Variants in GABBR2 observed in about 807,000 individuals in gnomAD.
GABBR2 encodes the protein G-protein coupled receptor 51.
GABBR2 carries 23 observed loss-of-function variants against 105.6 expected under a neutral mutation model. The ratio of observed to expected loss-of-function variants is 0.22; its 90% confidence interval spans 0.16 to 0.31. The LOEUF is 0.31. Ranked by LOEUF, GABBR2 falls within the 10% of genes least tolerant of loss-of-function variation. GABBR2 has a pLI of 1.00. For missense variants in GABBR2, 734 were observed against 1,245.5 expected, an observed-to-expected ratio of 0.59 and a Z score of 6.18; for synonymous variants, 478 against 499.7, an observed-to-expected ratio of 0.96 and a Z score of 0.58.
rs188166769 is a variant in GABBR2, at chr9:98,404,401, C to T, written c.1297+1680G>A. ...ACAAGATTGCATTACAGAGCGATAG[C>T]GCTGAAGAACACCTCTCCTGATTGA... On this transcript the variant is annotated intron_variant, in intron 8 of 18. Coordinates refer to ENST00000259455, the MANE Select transcript of GABBR2 (RefSeq NM_005458.8). Among the ~76,000 whole-genome samples, 83 of 152,258 alleles carry T rather than the reference C, an allele frequency of 5.5e-4. No individual in the cohort carries two copies. In the East Asian group the frequency reaches 0.013, roughly 23 times the overall value.
At chr9:98,332,381 T>C (rs1480027693) in intron 13 of GABBR2, among the ~76,000 whole-genome samples, 2 of 152,184 alleles carry the variant, frequency 1.3e-5, no homozygotes, top group Admixed American at 1.3e-4. Context: ...TCAGACTGAT[T>C]GACCTCCTTC....
intron 1 of GABBR2, among the ~76,000 whole-genome samples, chr9:98,659,508 TTTC>T (rs1830227393): frequency 8.3e-6 from 1 of 120,552 alleles, no homozygotes; most frequent in Non-Finnish European, 1.6e-5. Flanking sequence ...AACAACCTTT[TTTC>T]TTTTCTTTTC....
intron 16 of GABBR2, among the ~76,000 whole-genome samples, chr9:98,302,522 C>T (rs140139868): frequency 0.013 from 1,982 of 152,254 alleles, 24 homozygotes; most frequent in Non-Finnish European, 0.017. Flanking sequence ...TATTTTGGGG[C>T]CTTGTTTAGC....
At position 98,436,331 on chromosome 9, in the gene GABBR2, TA is replaced by T. The variant is rs1825907841; in HGVS notation, c.1236+17649del. Among the ~76,000 whole-genome samples the T allele has an allele frequency of 1.9e-4, 5 of 26,280 alleles. 1 individual carries two copies. The highest frequency in any genetic ancestry group is 9.2e-4 in the African/African-American group (5 of 5,452). The allele number at this position is 26,280 out of a possible 152,430, so 17.2% of individuals were successfully genotyped here. On this transcript the variant is annotated intron_variant, in intron 7 of 18. Coordinates refer to ENST00000259455, the MANE Select transcript of GABBR2 (RefSeq NM_005458.8). ...CATAAATATACCATATATATATATA[TA>T]CACACACACACACACCATATATATA... is the stretch of plus-strand genomic sequence containing the variant.
intron 2 of GABBR2, among the ~76,000 whole-genome samples, chr9:98,554,122 G>A (rs1332384979): frequency 6.6e-6 from 1 of 152,122 alleles, no homozygotes; most frequent in Non-Finnish European, 1.5e-5. Context: ...TTAGAATGAC[G>A]TCCTCGCTCC....
chr9:98,299,127 G>T, intron 17 of GABBR2, 97 bp downstream of exon 17: 1 of 1,045,544 alleles, frequency 9.6e-7, no homozygotes, highest in Non-Finnish European at 1.5e-6. Context: ...CCTGTGCCCT[G>T]TCTGAGCCTC....
At chr9:98,571,401 G>C (rs538185730) in intron 2 of GABBR2, among the ~76,000 whole-genome samples, 1 of 152,250 alleles carries the variant, frequency 6.6e-6, no homozygotes, top group East Asian at 1.9e-4. Context: ...GAGTTTTTTG[G>C]ACCAGCAGCA....
intron 7 of GABBR2, among the ~76,000 whole-genome samples, chr9:98,411,420 A>C (rs1461463246): frequency 6.6e-6 from 1 of 152,232 alleles, no homozygotes; most frequent in Non-Finnish European, 1.5e-5. Flanking sequence ...TAGTAAGAAC[A>C]ATACAAATTT....
At chr9:98,448,194 C>T (rs980396281) in intron 7 of GABBR2, among the ~76,000 whole-genome samples, 7 of 151,916 alleles carry the variant, frequency 4.6e-5, no homozygotes, top group East Asian at 3.9e-4. Flanking sequence ...CAACTGTGAT[C>T]GTTCCCACAT....
chr9:98,321,760 A>G (rs13440299), intron 13 of GABBR2, among the ~76,000 whole-genome samples: 14,497 of 152,202 alleles, frequency 0.095, 947 homozygotes, highest in African/African-American at 0.18. Context: ...CGGAGAAGAA[A>G]TAAAGTAAGA....
intron 2 of GABBR2, among the ~76,000 whole-genome samples, chr9:98,551,529 G>A (rs187797920): frequency 4.7e-4 from 72 of 152,318 alleles, no homozygotes; most frequent in African/African-American, 1.7e-3. Flanking sequence ...ACCAGGGAGG[G>A]AACAATTTAT....
chr9:98,634,996 T>C (rs1759139119), intron 1 of GABBR2, among the ~76,000 whole-genome samples: 1 of 152,206 alleles, frequency 6.6e-6, no homozygotes, highest in Non-Finnish European at 1.5e-5. Flanking sequence ...GCTTCCAGCC[T>C]AGCTTTGTTT....
chr9:98,303,412 C>A lies in GABBR2; in HGVS notation c.2241G>T (p.Leu747=), dbSNP rs376291087. 1.9e-6 allele frequency: 3 copies of A among 1,613,948 alleles called. No individual in the cohort carries two copies. In the African/African-American group the frequency reaches 4.0e-5, roughly 22 times the overall value. ...CLVFVPKLIT[L]RTNPDAATQN... The stretch of plus-strand genomic sequence containing the variant: ...GCGTTGCTGCATCTGGGTTTGTTCT[C>A]AGGGTGATGAGCTGAAAGGACAAAG... The change falls in exon 16 of 19, where the codon CTG becomes CTT. Residue 747 remains leucine (L), a synonymous_variant. Transcript: ENST00000259455.
chr9:98,594,037 T>C (rs1829189349), intron 1 of GABBR2, among the ~76,000 whole-genome samples: 2 of 152,190 alleles, frequency 1.3e-5, no homozygotes, highest in African/African-American at 4.8e-5. Flanking sequence ...TGCAGGCACC[T>C]GTTTTCAGAG....
intron 1 of GABBR2, among the ~76,000 whole-genome samples, chr9:98,656,646 A>G (rs777855812): frequency 8.5e-5 from 13 of 152,326 alleles, no homozygotes; most frequent in Non-Finnish European, 1.5e-4. Flanking sequence ...AAGTGTTGAG[A>G]GAAATTATTG....
chr9:98,336,250 C>G (rs1299275064), intron 13 of GABBR2, among the ~76,000 whole-genome samples: 1 of 152,118 alleles, frequency 6.6e-6, no homozygotes, highest in Admixed American at 6.5e-5. Flanking sequence ...ACAGAAGGCC[C>G]ACATGGCTAA....
chr9:98,424,941 C>G (rs1564063344), intron 7 of GABBR2, among the ~76,000 whole-genome samples: 2 of 151,938 alleles, frequency 1.3e-5, no homozygotes, highest in Non-Finnish European at 2.9e-5. Flanking sequence ...CCATCCCCAT[C>G]AAGCTACCAA....
At chr9:98,316,947 T>C (rs763126926) in intron 13 of GABBR2, among the ~76,000 whole-genome samples, 5 of 152,204 alleles carry the variant, frequency 3.3e-5, no homozygotes, top group Non-Finnish European at 2.9e-5. Flanking sequence ...TCCCTCCTCC[T>C]TCACCATGAG....
chr9:98,407,938 T>C (rs1832518868), intron 7 of GABBR2, among the ~76,000 whole-genome samples: 1 of 152,194 alleles, frequency 6.6e-6, no homozygotes, highest in African/African-American at 2.4e-5. Flanking sequence ...TGATTTCTCC[T>C]TAATTTCTCA....
Sources: allele counts gnomAD v4.1 joint callset (sites outside exome capture counted in the v4.1 genomes callset), GRCh38; gene constraint gnomAD v4.1.1; transcripts MANE v1.5; gene names NCBI Gene and HGNC (gene_info 2026-07-23, HGNC 2026-07-21).